Variants in SPINK5 observed in about 807,000 individuals in gnomAD.
The protein encoded by SPINK5 is serine protease inhibitor Kazal-type 5.
In SPINK5, 125 loss-of-function variants were observed where a neutral mutation model predicts 151.8. The ratio of observed to expected loss-of-function variants is 0.82; its 90% CI spans 0.71 to 0.96. SPINK5 has a LOEUF of 0.96. Ranked by LOEUF, SPINK5 falls within the 40% of genes least tolerant of loss-of-function variation. The pLI is 0.00. For missense variants in SPINK5, 1,194 were observed against 1,291.9 expected, an observed-to-expected ratio of 0.92 and a Z score of 1.16; for synonymous variants, 374 against 395.3, an observed-to-expected ratio of 0.95 and a Z score of 0.64.
intron 13 of SPINK5, among the ~76,000 whole-genome samples, chr5:148,100,907 G>T (rs1753624636): frequency 6.6e-6 from 1 of 152,166 alleles, no homozygotes; most frequent in South Asian, 2.1e-4. Flanking sequence ...TGGAAGACAG[G>T]TTCCAAGTGG....
chr5:148,135,461 C>T (rs910929139), intron 32 of SPINK5, among the ~76,000 whole-genome samples: 5 of 152,110 alleles, frequency 3.3e-5, no homozygotes, highest in South Asian at 2.1e-4. Flanking sequence ...AGAATGTTGC[C>T]GGGGCTTATC....
At position 148,070,465 on chromosome 5, in the gene SPINK5, C is replaced by CT; in HGVS notation, c.209+18dup. 6.2e-7 allele frequency: 1 copy of CT among 1,610,300 alleles called. No individual in the cohort carries two copies. Among genetic ancestry groups the CT allele is most frequent in the Non-Finnish European group, 8.5e-7 (1 of 1,177,572 alleles). The stretch of plus-strand genomic sequence containing the variant: ...AAAATGATACTGTGAGTAAAGGTTT[C>CT]TTTCTTTCTTTCCAATGTTTGAGTT... On this transcript the variant is annotated intron_variant, in intron 3 of 32. Coordinates refer to ENST00000256084, the MANE Select transcript of SPINK5 (RefSeq NM_006846.4).
chr5:148,108,623 C>A, intron 17 of SPINK5, 130 bp from the exon 18 acceptor site: 1 of 1,341,714 alleles, frequency 7.5e-7, no homozygotes, highest in Non-Finnish European at 1.0e-6. Flanking sequence ...AAGCACCTCT[C>A]AGACTAGATA....
intron 32 of SPINK5, 108 bp from the exon 33 acceptor site, chr5:148,136,875 T>C: frequency 1.4e-6 from 2 of 1,402,478 alleles, no homozygotes; most frequent in South Asian, 2.3e-5. Context: ...CTTTGCAGAA[T>C]GCAGGATCTA....
In SPINK5 at chr5:148,083,631, T is replaced by C. The variant is rs145676038; in HGVS notation, c.283-2774T>C. 2.5e-3 allele frequency among the ~76,000 whole-genome samples: 380 copies of C among 151,702 alleles called. 3 individuals carry two copies. The highest frequency in any genetic ancestry group is 8.5e-3 in the African/African-American group (351 of 41,480). On this transcript the variant is annotated intron_variant, in intron 4 of 32. Coordinates refer to ENST00000256084, the MANE Select transcript of SPINK5 (RefSeq NM_006846.4). Reference sequence around the variant, plus strand: ...CTTTGTCTTCTCTCCAAATGTATGTTAATCCACTCTCCATATATTTTCTGT... The same window carrying C: ...CTTTGTCTTCTCTCCAAATGTATGTCAATCCACTCTCCATATATTTTCTGT...
At chr5:148,102,552 TA>T (rs1410148822) in intron 15 of SPINK5, among the ~76,000 whole-genome samples, 2 of 152,132 alleles carry the variant, frequency 1.3e-5, no homozygotes, top group Non-Finnish European at 1.5e-5. Flanking sequence ...AGGTGCAGAA[TA>T]ATTTCTTCTA....
At chr5:148,070,111 AAGG>A (rs1368593286) in intron 2 of SPINK5, among the ~76,000 whole-genome samples, 1 of 152,082 alleles carries the variant, frequency 6.6e-6, no homozygotes, top group Non-Finnish European at 1.5e-5. Context: ...AATAATAAAA[AAGG>A]AGGAAGAAGG....
intron 29 of SPINK5, 34 bp from the exon 30 acceptor site, chr5:148,126,946 TTTC>T (rs750544000): frequency 6.6e-7 from 1 of 1,505,526 alleles, no homozygotes; most frequent in African/African-American, 1.4e-5. Context: ...ATAGGAACTG[TTTC>T]TTATTTTAAA....
intron 4 of SPINK5, among the ~76,000 whole-genome samples, chr5:148,082,326 G>T (rs1351107854): frequency 6.6e-6 from 1 of 150,832 alleles, no homozygotes; most frequent in Non-Finnish European, 1.5e-5. Context: ...AAATATTTTT[G>T]AAGATATTAA....
chr5:148,100,663 A>G, intron 13 of SPINK5, 82 bp downstream of exon 13: 1 of 1,481,536 alleles, frequency 6.7e-7, no homozygotes, highest in South Asian at 1.1e-5. Flanking sequence ...TGGGAGGGCC[A>G]CTTCAACATA....
At chr5:148,065,268 C>A in intron 1 of SPINK5, 79 bp from the exon 2 acceptor site, 2 of 1,446,628 alleles carry the variant, frequency 1.4e-6, no homozygotes, top group Non-Finnish European at 1.9e-6. Flanking sequence ...AATCAAGATG[C>A]TGCATTAAAT....
chr5:148,131,401 A>G lies in SPINK5; in HGVS notation c.3095+12A>G. Reference sequence around the variant, plus strand: ...TGTCATGAAAACCTGTAAGTATTCAAGTTGCCCCATCATATCTTCCAGTTT... The same window carrying G: ...TGTCATGAAAACCTGTAAGTATTCAGGTTGCCCCATCATATCTTCCAGTTT... On this transcript the variant is annotated intron_variant, in intron 31 of 32. Transcript: ENST00000256084. 6.2e-7 allele frequency: 1 copy of G among 1,613,768 alleles called. No homozygotes were observed. Among genetic ancestry groups the G allele is most frequent in the Non-Finnish European group, 8.5e-7 (1 of 1,179,694 alleles).
At chr5:148,096,706 T>TTTTC (rs916672711) in intron 10 of SPINK5, among the ~76,000 whole-genome samples, 1 of 151,206 alleles carries the variant, frequency 6.6e-6, no homozygotes, top group Non-Finnish European at 1.5e-5. Context: ...TATAACTCCA[T>TTTTC]TTTCTTTCTT....
rs1387273980 is a variant in SPINK5 at position 148,108,909 on chromosome 5, C to A, written c.1692+72C>A. The A allele has an allele frequency of 6.3e-6, 10 of 1,595,602 alleles. No homozygotes were observed. In the East Asian group the frequency reaches 2.3e-4, roughly 36 times the overall value. On this transcript the variant is annotated intron_variant, in intron 18 of 32. Transcript: ENST00000256084. ...TCTCCCTAGGGAGGGCTCCTATTCC[C>A]TCCTCCTCATTCCAGTATTCTTAGT...
chr5:148,104,922 TTC>T lies in SPINK5; in HGVS notation c.1431-24_1431-23del, dbSNP rs757475519. 1.9e-6 allele frequency: 3 copies of T among 1,600,834 alleles called. No individual in the cohort carries two copies. In the East Asian group the frequency reaches 6.7e-5, roughly 36 times the overall value. ...AAAAAGAAAAAAAAAAATCCATTTC[TTC>T]TCTCTTTTTCTTTTCGGTTTCTTAA... On this transcript the variant is annotated intron_variant, in intron 15 of 32. Transcript: ENST00000256084.
chr5:148,105,669 G>T (rs1753762332), intron 16 of SPINK5, among the ~76,000 whole-genome samples: 1 of 151,908 alleles, frequency 6.6e-6, no homozygotes, highest in Non-Finnish European at 1.5e-5. Context: ...AGGCTAGAGT[G>T]CAGTGGCGCA....
chr5:148,116,241 T>C, intron 21 of SPINK5, 129 bp from the exon 22 acceptor site: 1 of 876,750 alleles, frequency 1.1e-6, no homozygotes, highest in Non-Finnish European at 1.9e-6. Context: ...GCCTGCAGCA[T>C]AGTAGATGTT....
intron 27 of SPINK5, among the ~76,000 whole-genome samples, chr5:148,124,537 T>A (rs1387950529): frequency 6.6e-6 from 1 of 152,176 alleles, no homozygotes; most frequent in Non-Finnish European, 1.5e-5. Context: ...GATAAGAGTA[T>A]AGTAACAGCA....
chr5:148,133,966 T>G, intron 32 of SPINK5, 79 bp downstream of exon 32: 1 of 1,437,292 alleles, frequency 7.0e-7, no homozygotes, highest in South Asian at 1.2e-5. Context: ...TTCCACTGAG[T>G]AATGGACATT....
Sources: gnomAD v4.1 joint callset for allele counts (sites outside exome capture counted in the v4.1 genomes callset) on GRCh38, gnomAD v4.1.1 for gene constraint, MANE v1.5 for transcripts, NCBI Gene and HGNC (gene_info 2026-07-23, HGNC 2026-07-21) for gene names.